The following RPS6KA2 variants were observed in gnomAD, a reference collection of about 807,000 sequenced individuals.
The protein encoded by RPS6KA2 is ribosomal protein S6 kinase alpha-2.
A neutral mutation model predicts 91.8 loss-of-function variants in RPS6KA2; 42 were observed. That is an observed-to-expected ratio of 0.46 (90% CI 0.36 to 0.59). The LOEUF (loss-of-function observed/expected upper bound fraction) is 0.59. RPS6KA2 is among the 20% of genes least tolerant of loss of function. The pLI, the probability that RPS6KA2 is intolerant of heterozygous loss-of-function variation, is 0.00. For synonymous variants in RPS6KA2, 414 were observed against 393.6 expected, an observed-to-expected ratio of 1.05 and a Z score of -0.61; for missense variants, 798 against 978.5, an observed-to-expected ratio of 0.82 and a Z score of 2.46.
At chr6:166,854,864 A>G (rs1780845933) in intron 2 of RPS6KA2, among the ~76,000 whole-genome samples, 1 of 152,234 alleles carries the variant, frequency 6.6e-6, no homozygotes, top group Admixed American at 6.5e-5. Context: ...AGAAAAAGAA[A>G]TTATTATATA....
At chr6:166,707,123 G>A (rs9356512) in intron 2 of RPS6KA2, among the ~76,000 whole-genome samples, 85,634 of 152,142 alleles carry the variant, frequency 0.56, 27,308 homozygotes, top group South Asian at 0.82. Flanking sequence ...GAGTTAGCAG[G>A]CAAAGGAAGA....
At chr6:166,739,301 C>T (rs1790747869) in intron 2 of RPS6KA2, among the ~76,000 whole-genome samples, 1 of 152,128 alleles carries the variant, frequency 6.6e-6, no homozygotes, top group African/African-American at 2.4e-5. Flanking sequence ...CGCTGGAATG[C>T]AAAAACACTT....
In RPS6KA2 at chr6:166,840,969, AAAAAAAG is replaced by A. The variant is rs1436851977; in HGVS notation, c.123+17224_123+17230del. ...CAAGAGCGAAACTTTGTCTAAAGAAAAAAAAAGAAAAAAGAAAAAAAGAAAGCTGAGG... is the reference window on the plus strand; with the variant it reads ...CAAGAGCGAAACTTTGTCTAAAGAAAAAAAAAGAAAAAAAGAAAGCTGAGG... On this transcript the variant is annotated intron_variant, in intron 2 of 21. Coordinates refer to the RPS6KA2 transcript ENST00000503859. Among the ~76,000 whole-genome samples the A allele has an allele frequency of 3.3e-5, 5 of 152,000 alleles. No individual in the cohort carries two copies. In the East Asian group the frequency reaches 9.6e-4, roughly 29 times the overall value.
chr6:166,708,473 C>T (rs2128579135), intron 2 of RPS6KA2, among the ~76,000 whole-genome samples: 1 of 152,310 alleles, frequency 6.6e-6, no homozygotes, highest in South Asian at 2.1e-4. Context: ...ACCAAAGAAA[C>T]TGCTTTATCA....
intron 1 of RPS6KA2, among the ~76,000 whole-genome samples, chr6:166,570,731 C>T (rs954617387): frequency 6.6e-6 from 1 of 151,990 alleles, no homozygotes. Context: ...AGACAACATT[C>T]AAAGATTTAC....
Position 166,626,351 on chromosome 6 carries a change from C to CT in RPS6KA2, c.99+569dup, listed in dbSNP as rs1786874638. Among the ~76,000 whole-genome samples, 1 of 152,250 alleles carries CT rather than the reference C, an allele frequency of 6.6e-6. No homozygotes were observed. The highest frequency in any genetic ancestry group is 6.5e-5 in the Admixed American group (1 of 15,292). On this transcript the variant is annotated intron_variant, in intron 1 of 20. Transcript: ENST00000265678. This position sits in a 1 kb window ranked among gnomAD's most constrained non-coding sequence, Gnocchi z 4.1. ...CGCTGCGAGGATATTGCATCAGGCTCTTTACTCCTGAACGCCGTTTTAGAC... is the reference window on the plus strand; with the variant it reads ...CGCTGCGAGGATATTGCATCAGGCTCTTTTACTCCTGAACGCCGTTTTAGAC...
chr6:166,478,167 C>T lies in RPS6KA2; in HGVS notation c.908-8262G>A, dbSNP rs559787095. ...GGGCGGGGGCGGTTACCATGCGTCA[C>T]CTCAGAGGGAGTGGCAGAGGTGGGG... On this transcript the variant is annotated intron_variant, in intron 10 of 20. Coordinates refer to ENST00000265678, the MANE Select transcript of RPS6KA2 (RefSeq NM_021135.6). Among the ~76,000 whole-genome samples the T allele has an allele frequency of 3.3e-5, 5 of 152,340 alleles. No homozygotes were observed. The South Asian group carries it at 8.3e-4, about 25-fold the overall frequency.
intron 3 of RPS6KA2, among the ~76,000 whole-genome samples, chr6:166,515,890 A>AAGAATGCGACCATTTGTCTCTCATCT (rs1782628437): frequency 1.3e-5 from 2 of 152,222 alleles, no homozygotes; most frequent in Admixed American, 1.3e-4. Context: ...AGAAACTCAG[A>AAGAATGCGACCATTTGTCTCTCATCT]AGAATGCGAC....
In RPS6KA2 at chr6:166,665,755, C is replaced by T. The variant is rs1788298208; in HGVS notation, c.124-126971G>A. 6.6e-6 allele frequency among the ~76,000 whole-genome samples: 1 copy of T among 152,158 alleles called. No homozygotes were observed. Among genetic ancestry groups the T allele is most frequent in the Non-Finnish European group, 1.5e-5 (1 of 68,030 alleles). On this transcript the variant is annotated intron_variant, in intron 2 of 21. Transcript: ENST00000503859. This position sits in a 1 kb window ranked among gnomAD's most constrained non-coding sequence, Gnocchi z 4.5. Reference sequence around the variant, plus strand: ...CCCACTTGCAGAGCTTGTTCTGAACCTCGTTTTGGGGAGAAACTTGGTTGT... The same window carrying T: ...CCCACTTGCAGAGCTTGTTCTGAACTTCGTTTTGGGGAGAAACTTGGTTGT...
intron 2 of RPS6KA2, among the ~76,000 whole-genome samples, chr6:166,646,863 C>A (rs1219629928): frequency 6.6e-6 from 1 of 152,234 alleles, no homozygotes; most frequent in Non-Finnish European, 1.5e-5. Context: ...AGTTCTCCTG[C>A]TTCTCAGGCC....
intron 2 of RPS6KA2, among the ~76,000 whole-genome samples, chr6:166,718,372 G>GT (rs34305071): frequency 0.16 from 24,628 of 152,110 alleles, 2,079 homozygotes; most frequent in Admixed American, 0.19. Context: ...ATGTGAGGCT[G>GT]TTTGAGTTTC....
At position 166,658,125 on chromosome 6, in the gene RPS6KA2, G is replaced by A. The variant is rs530991382; in HGVS notation, c.124-119341C>T. ...TTAAACTCCCGACCTCAGGTGATTC[G>A]CCCACCTCGGCCTCCCAAAGTGCTG... On this transcript the variant is annotated intron_variant, in intron 2 of 21. Coordinates refer to the RPS6KA2 transcript ENST00000503859. Among the ~76,000 whole-genome samples the A allele has an allele frequency of 1.2e-3, 177 of 152,202 alleles. 1 individual carries two copies. Among genetic ancestry groups the A allele is most frequent in the African/African-American group, 4.1e-3 (171 of 41,530 alleles).
intron 1 of RPS6KA2, among the ~76,000 whole-genome samples, chr6:166,593,210 T>G (rs1785413674): frequency 6.6e-6 from 1 of 152,178 alleles, no homozygotes; most frequent in Admixed American, 6.5e-5. Flanking sequence ...TCTAAGCGTT[T>G]GGAAGAAAAA....
rs992371117 is a variant in RPS6KA2 at position 166,849,899 on chromosome 6, C to G, written c.123+8301G>C. Among the ~76,000 whole-genome samples, 1 of 152,232 alleles carries G rather than the reference C, an allele frequency of 6.6e-6. No individual in the cohort carries two copies. Among genetic ancestry groups the G allele is most frequent in the Non-Finnish European group, 1.5e-5 (1 of 68,046 alleles). Reference sequence around the variant, plus strand: ...ACACCGGGTTCAGGGACCAGGGGCACTCATGCCTGGCTCCGCTGTGCCCAC... The same window carrying G: ...ACACCGGGTTCAGGGACCAGGGGCAGTCATGCCTGGCTCCGCTGTGCCCAC... On this transcript the variant is annotated intron_variant, in intron 2 of 21. Coordinates refer to the RPS6KA2 transcript ENST00000503859. The surrounding 1 kb of genome is among the most constrained non-coding windows in gnomAD (Gnocchi z 4.9).
At chr6:166,702,318 G>A (rs566752999) in intron 2 of RPS6KA2, 13 of 1,613,496 alleles carry the variant, frequency 8.1e-6, no homozygotes, top group African/African-American at 1.3e-5. Context: ...AGCCCCCGGC[G>A]ACCTCGGGGC....
At chr6:166,716,052 A>G in intron 2 of RPS6KA2, among the ~76,000 whole-genome samples, 1 of 99,798 alleles carries the variant, frequency 1.0e-5, no homozygotes, top group East Asian at 2.7e-4. Flanking sequence ...AAAAAAAAAA[A>G]AAAAAAAAAG....
At chr6:166,541,540 C>T (rs1783653561) in intron 1 of RPS6KA2, among the ~76,000 whole-genome samples, 1 of 152,172 alleles carries the variant, frequency 6.6e-6, no homozygotes, top group South Asian at 2.1e-4. Flanking sequence ...TACTTGGATG[C>T]CACCTGGCCA....
intron 10 of RPS6KA2, among the ~76,000 whole-genome samples, chr6:166,471,396 C>T (rs1043472324): frequency 6.6e-5 from 10 of 152,232 alleles, no homozygotes; most frequent in African/African-American, 1.2e-4. Flanking sequence ...CCTCAGAAAG[C>T]GCCTCTAGGT....
intron 2 of RPS6KA2, among the ~76,000 whole-genome samples, chr6:166,759,756 C>T (rs1238737694): frequency 2.6e-5 from 4 of 152,210 alleles, no homozygotes; most frequent in East Asian, 1.9e-4. Flanking sequence ...ACACTGCTGG[C>T]GTCTTCTCAT....
Sources: allele counts gnomAD v4.1 joint callset (sites outside exome capture counted in the v4.1 genomes callset), GRCh38; gene constraint gnomAD v4.1.1; non-coding constraint Gnocchi (gnomAD v3.1); transcripts MANE v1.5; gene names NCBI Gene and HGNC (gene_info 2026-07-23, HGNC 2026-07-21).